The following TCF12 variants were observed in gnomAD, a reference collection of about 807,000 sequenced individuals.
TCF12 encodes DNA-binding protein HTF4.
Under a neutral mutation model 86.0 loss-of-function variants are expected in TCF12, and 45 were observed. That is an observed-to-expected ratio of 0.52 (90% CI 0.41 to 0.67). The LOEUF is 0.67. Among genes scored for constraint, TCF12 ranks in the 30% least tolerant of loss-of-function variants. The pLI is 0.00. For synonymous variants in TCF12, 330 were observed against 299.6 expected, an observed-to-expected ratio of 1.10 and a Z score of -1.05; for missense variants, 881 against 859.9, an observed-to-expected ratio of 1.02 and a Z score of -0.31.
At chr15:57,093,425 G>A (rs1448976294) in intron 5 of TCF12, among the ~76,000 whole-genome samples, 3 of 152,120 alleles carry the variant, frequency 2.0e-5, no homozygotes, top group African/African-American at 7.2e-5. Flanking sequence ...ATATAACTCT[G>A]AACTGTGAAA....
At chr15:57,160,596 G>A (rs2054433569) in intron 5 of TCF12, among the ~76,000 whole-genome samples, 1 of 152,112 alleles carries the variant, frequency 6.6e-6, no homozygotes, top group South Asian at 2.1e-4. Context: ...AACAAATGTA[G>A]CAGTACTTCT....
intron 3 of TCF12, among the ~76,000 whole-genome samples, chr15:56,930,407 G>A (rs1426709927): frequency 1.3e-5 from 2 of 152,194 alleles, no homozygotes; most frequent in Non-Finnish European, 2.9e-5. Flanking sequence ...TTCTCCTGCA[G>A]GATCCTTTTA....
At chr15:57,188,221 A>AT (rs1172879085) in intron 6 of TCF12, among the ~76,000 whole-genome samples, 64 of 151,616 alleles carry the variant, frequency 4.2e-4, no homozygotes, top group East Asian at 5.8e-4. Flanking sequence ...AATTTCTTTA[A>AT]TTTTTTTTTC....
intron 8 of TCF12, among the ~76,000 whole-genome samples, chr15:57,218,494 A>G (rs2058428793): frequency 6.6e-6 from 1 of 152,234 alleles, no homozygotes; most frequent in Admixed American, 6.5e-5. Context: ...TCTGTAAGAC[A>G]TTTATTCCCA....
chr15:56,943,123 T>C (rs1157701472), intron 3 of TCF12, among the ~76,000 whole-genome samples: 1 of 152,198 alleles, frequency 6.6e-6, no homozygotes, highest in Admixed American at 6.5e-5. Context: ...TTTTCGTCTA[T>C]ATGTAAATGA....
intron 3 of TCF12, among the ~76,000 whole-genome samples, chr15:57,047,679 A>G (rs1322057696): frequency 1.3e-5 from 2 of 152,260 alleles, no homozygotes; most frequent in Non-Finnish European, 2.9e-5. Flanking sequence ...AGAAAATATT[A>G]GCCTCAACTG....
At chr15:57,211,878 C>T (rs373259690) in intron 8 of TCF12, among the ~76,000 whole-genome samples, 33 of 152,182 alleles carry the variant, frequency 2.2e-4, no homozygotes, top group Admixed American at 1.9e-3. Context: ...GGCTTGAGCC[C>T]GGGAGGTGGA....
intron 3 of TCF12, among the ~76,000 whole-genome samples, chr15:56,938,132 G>C (rs1360351218): frequency 8.2e-6 from 1 of 122,470 alleles, no homozygotes; most frequent in African/African-American, 3.1e-5. Flanking sequence ...TCTGTAGTTT[G>C]CTTTTTTTTC....
chr15:57,029,482 T>C (rs1479324052), intron 3 of TCF12, among the ~76,000 whole-genome samples: 1 of 152,226 alleles, frequency 6.6e-6, no homozygotes, highest in Non-Finnish European at 1.5e-5. Flanking sequence ...TTACATCGAT[T>C]ATTTGTTTTA....
At chr15:56,931,997 C>T (rs1320880557) in intron 3 of TCF12, among the ~76,000 whole-genome samples, 2 of 152,152 alleles carry the variant, frequency 1.3e-5, no homozygotes, top group Non-Finnish European at 2.9e-5. Flanking sequence ...ACAAAACATG[C>T]CATAGTGCCA....
At position 57,067,717 on chromosome 15, in the gene TCF12, T is replaced by C. The variant is rs182500785; in HGVS notation, c.222+3894T>C. On this transcript the variant is annotated intron_variant, in intron 4 of 20. Transcript: ENST00000333725. The stretch of plus-strand genomic sequence containing the variant: ...CTACTTTTGTTAGAGTCCTGGTTTC[T>C]GCACTCTTCATCTGCTGTCTACCTG... Among the ~76,000 whole-genome samples the C allele has an allele frequency of 2.7e-4, 41 of 152,296 alleles. No homozygotes were observed. In the East Asian group the frequency reaches 7.3e-3, roughly 27 times the overall value.
intron 5 of TCF12, among the ~76,000 whole-genome samples, chr15:57,136,970 GTTTTTTTT>G (rs1402740121): frequency 2.4e-5 from 1 of 40,830 alleles, no homozygotes; most frequent in African/African-American, 8.5e-5. Flanking sequence ...TTTTTTTTTT[GTTTTTTTT>G]TTTTTTTTTT....
chr15:56,971,986 T>C (rs897020720), intron 3 of TCF12, among the ~76,000 whole-genome samples: 10 of 152,166 alleles, frequency 6.6e-5, no homozygotes, highest in Admixed American at 2.6e-4. Flanking sequence ...TAAAATTGCT[T>C]GTGGTAATTT....
At chr15:56,950,469 G>C (rs1196830327) in intron 3 of TCF12, among the ~76,000 whole-genome samples, 1 of 152,076 alleles carries the variant, frequency 6.6e-6, no homozygotes. Flanking sequence ...CAGGTGATCT[G>C]CCTGCCTTGG....
At chr15:57,026,880 T>G (rs2065856687) in intron 3 of TCF12, among the ~76,000 whole-genome samples, 1 of 152,220 alleles carries the variant, frequency 6.6e-6, no homozygotes, top group African/African-American at 2.4e-5. Flanking sequence ...CACATCCTCC[T>G]ATACAATTTA....
intron 8 of TCF12, among the ~76,000 whole-genome samples, chr15:57,225,742 T>A (rs893934825): frequency 6.6e-6 from 1 of 152,206 alleles, no homozygotes; most frequent in African/African-American, 2.4e-5. Context: ...TTTACTCTTC[T>A]TAAAAGAGCC....
intron 8 of TCF12, among the ~76,000 whole-genome samples, chr15:57,205,172 G>A (rs1230039921): frequency 6.6e-6 from 1 of 152,048 alleles, no homozygotes; most frequent in Non-Finnish European, 1.5e-5. Context: ...AAATTAGCTG[G>A]CATGGTGTTG....
In TCF12 at chr15:57,287,007, T is replaced by C. The variant is rs189190907; in HGVS notation, c.*862T>C. On this transcript the variant is annotated 3_prime_UTR_variant, in exon 21 of 21. Transcript: ENST00000333725. ...GGTTTTCCCCCAAATAAACATTGCT[T>C]TATTTCTAATAATAACCAAGACTTT... The C allele has an allele frequency of 5.6e-6, 1 of 177,408 alleles. No individual in the cohort carries two copies. Among genetic ancestry groups the C allele is most frequent in the East Asian group, 1.5e-4 (1 of 6,656 alleles). 11.0% of individuals were successfully genotyped at this position (177,408 alleles called of 1,614,324 possible). A position where few individuals can be genotyped will look rare whatever the true frequency, so the allele number is the denominator to read the frequency against.
At chr15:57,247,832 GT>G (rs1820326627) in intron 13 of TCF12, 1 of 752,868 alleles carries the variant, frequency 1.3e-6, no homozygotes, top group Non-Finnish European at 2.4e-6. Context: ...CCTGGAACGT[GT>G]TTTTTGGGGT....
Sources: allele counts gnomAD v4.1 joint callset (sites outside exome capture counted in the v4.1 genomes callset), GRCh38; gene constraint gnomAD v4.1.1; transcripts MANE v1.5; gene names NCBI Gene and HGNC (gene_info 2026-07-23, HGNC 2026-07-21).